GLCE: variants seen among roughly 807,000 people sequenced by gnomAD.
The protein encoded by GLCE is D-glucuronyl C5-epimerase.
A neutral mutation model predicts 47.9 loss-of-function variants in GLCE; 19 were observed. The ratio of observed to expected loss-of-function variants is 0.40; its 90% CI spans 0.28 to 0.58. GLCE has a LOEUF of 0.58. Among genes scored for constraint, GLCE ranks in the 20% least tolerant of loss-of-function variants. The probability of loss-of-function intolerance (pLI) is 0.48; values close to 1 mark genes in which losing one functional copy is unlikely to be tolerated. For synonymous variants in GLCE, 245 were observed against 263.4 expected (o/e 0.93, Z 0.68); for missense variants, 556 against 743.3 (o/e 0.75, Z 2.93).
rs530223482 is a variant in GLCE, at chr15:69,232,094, A to G, written c.-14+21688A>G. ...GCCCAAGCCACCACCCCGGCCTCAGATTTTTATATATACGTTTGGATGGAG... is the reference window on the plus strand; with the variant it reads ...GCCCAAGCCACCACCCCGGCCTCAGGTTTTTATATATACGTTTGGATGGAG... On this transcript the variant is annotated intron_variant, in intron 2 of 4. Coordinates refer to ENST00000261858, the MANE Select transcript of GLCE (RefSeq NM_015554.3). Among the ~76,000 whole-genome samples, 18 of 152,278 alleles carry G rather than the reference A, an allele frequency of 1.2e-4. 1 individual carries two copies. In the East Asian group the frequency reaches 2.3e-3, roughly 20 times the overall value.
chr15:69,251,943 A>T (rs1595783565), intron 2 of GLCE, among the ~76,000 whole-genome samples: 1 of 152,300 alleles, frequency 6.6e-6, no homozygotes, highest in Non-Finnish European at 1.5e-5. Flanking sequence ...AATTAGCAAT[A>T]ATTTTCTAAT....
intron 2 of GLCE, among the ~76,000 whole-genome samples, chr15:69,214,975 T>C (rs1024372602): frequency 6.6e-6 from 1 of 152,208 alleles, no homozygotes; most frequent in Non-Finnish European, 1.5e-5. Context: ...TCTTTTCTTC[T>C]GTATATCCCC....
chr15:69,262,673 A>G (rs987901762), intron 4 of GLCE, among the ~76,000 whole-genome samples: 19 of 152,108 alleles, frequency 1.2e-4, no homozygotes. Context: ...TAAATGAGGG[A>G]TCCTTAGCCC....
intron 2 of GLCE, among the ~76,000 whole-genome samples, chr15:69,230,951 G>A (rs576974437): frequency 2.0e-5 from 3 of 152,196 alleles, no homozygotes; most frequent in East Asian, 1.9e-4. Flanking sequence ...GTATTCCTTG[G>A]CTCATGGCTC....
intron 4 of GLCE, 119 bp downstream of exon 4, chr15:69,261,448 A>G (rs1259071179): frequency 4.3e-6 from 4 of 937,328 alleles, no homozygotes; most frequent in African/African-American, 3.3e-5. Flanking sequence ...TATTACATAT[A>G]TAAAGTAACA....
chr15:69,258,229 G>A (rs1404808656), intron 3 of GLCE, among the ~76,000 whole-genome samples: 1 of 151,696 alleles, frequency 6.6e-6, no homozygotes, highest in Non-Finnish European at 1.5e-5. Flanking sequence ...CTCCCACTTA[G>A]AAGTGAGAAC....
intron 1 of GLCE, among the ~76,000 whole-genome samples, chr15:69,204,604 A>AGAAT (rs1205977973): frequency 6.6e-6 from 1 of 152,048 alleles, no homozygotes; most frequent in African/African-American, 2.4e-5. Context: ...TTTTATTTTC[A>AGAAT]GAATGCTTAT....
At chr15:69,218,225 A>T (rs570461417) in intron 2 of GLCE, among the ~76,000 whole-genome samples, 1 of 150,744 alleles carries the variant, frequency 6.6e-6, no homozygotes, top group African/African-American at 2.4e-5. Context: ...GACTAGAAAA[A>T]TAGGCCAGGC....
chr15:69,271,983 C>T lies in GLCE; in HGVS notation c.*2739C>T, dbSNP rs1413908684. 1 of 152,588 alleles carries T rather than the reference C, an allele frequency of 6.6e-6. No individual in the cohort carries two copies. The highest frequency in any genetic ancestry group is 1.5e-5 in the Non-Finnish European group (1 of 68,038). The allele number at this position is 152,588 out of a possible 1,614,324, so 9.5% of individuals were successfully genotyped here. On this transcript the variant is annotated 3_prime_UTR_variant, in exon 5 of 5. Coordinates refer to ENST00000261858, the MANE Select transcript of GLCE (RefSeq NM_015554.3). Reference sequence around the variant, plus strand: ...GGTTATATACCATATGTTAAATATGCAATAAAGTGTTTACAGGATGCCCTT... The same window carrying T: ...GGTTATATACCATATGTTAAATATGTAATAAAGTGTTTACAGGATGCCCTT...
At chr15:69,194,027 T>C (rs980836302) in intron 1 of GLCE, among the ~76,000 whole-genome samples, 4 of 151,844 alleles carry the variant, frequency 2.6e-5, no homozygotes, top group Admixed American at 2.6e-4. Context: ...AAGAAAAGAG[T>C]ATTCAGGGTA....
intron 2 of GLCE, among the ~76,000 whole-genome samples, chr15:69,234,918 A>C (rs922392851): frequency 6.6e-6 from 1 of 152,050 alleles, no homozygotes; most frequent in Non-Finnish European, 1.5e-5. Context: ...ATTCTTATCA[A>C]CTTTTATGAG....
Position 69,271,294 on chromosome 15 carries a change from A to C in GLCE, c.*2050A>C, listed in dbSNP as rs1353812775. 3 of 152,668 alleles carry C rather than the reference A, an allele frequency of 2.0e-5. No homozygotes were observed. The highest frequency in any genetic ancestry group is 2.0e-4 in the Admixed American group (3 of 15,284). The allele number at this position is 152,668 out of a possible 1,614,324, so 9.5% of individuals were successfully genotyped here. On this transcript the variant is annotated 3_prime_UTR_variant, in exon 5 of 5. Coordinates refer to ENST00000261858, the MANE Select transcript of GLCE (RefSeq NM_015554.3). ...AGAATTTTCTAAGAGGATGAGTTGAATCTATAGCAGCATTGTCAGTACAGA... is the reference window on the plus strand; with the variant it reads ...AGAATTTTCTAAGAGGATGAGTTGACTCTATAGCAGCATTGTCAGTACAGA...
rs550844964 is a variant in GLCE at position 69,238,700 on chromosome 15, G to T, written c.-13-17094G>T. On this transcript the variant is annotated intron_variant, in intron 2 of 4. Transcript: ENST00000261858. ...CAGCACAAGCTCTGGATTGTGGAAA[G>T]AATAGGTTGCCATACAGGTAACAAA... Among the ~76,000 whole-genome samples, 28 of 152,276 alleles carry T rather than the reference G, an allele frequency of 1.8e-4. 1 individual carries two copies. The South Asian group carries it at 5.6e-3, about 30-fold the overall frequency.
At chr15:69,268,023 C>T (rs893434811) in intron 4 of GLCE, among the ~76,000 whole-genome samples, 197 bp from the exon 5 acceptor site, 1 of 152,054 alleles carries the variant, frequency 6.6e-6, no homozygotes, top group African/African-American at 2.4e-5. Context: ...TGCTCACAAG[C>T]CATCGTGAAC....
Position 69,208,316 on chromosome 15 carries a change from A to G in GLCE, c.-104-2000A>G, listed in dbSNP as rs144370451. Among the ~76,000 whole-genome samples, 88 of 152,138 alleles carry G rather than the reference A, an allele frequency of 5.8e-4. 1 individual carries two copies. Among genetic ancestry groups the G allele is most frequent in the Admixed American group, 3.7e-3 (56 of 15,250 alleles). ...AAGTTTGAGTGAATTTTTGTATAAC[A>G]TGAGGGTTTAGGTGAAATTTTATTT... On this transcript the variant is annotated intron_variant, in intron 1 of 4. Transcript: ENST00000261858.
intron 1 of GLCE, among the ~76,000 whole-genome samples, chr15:69,200,713 G>T (rs111642477): frequency 6.6e-5 from 10 of 152,070 alleles, no homozygotes; most frequent in Non-Finnish European, 1.2e-4. Context: ...GAGTAGAAGC[G>T]ATAAGGGGCA....
Position 69,268,476 on chromosome 15 carries a change from G to A in GLCE, c.1086G>A (p.Val362=). Residue 362 remains valine (V), a synonymous_variant, in exon 5 of 5, where the codon GTG becomes GTA. Transcript: ENST00000261858. ...TGGTCACTGACCTCAGGAAAGGAGT[G>A]GGTCTTTCAAACACAAAAGCTGTCA... ...RDLVTDLRKG[V]GLSNTKAVKP... 1 of 1,614,126 alleles carries A rather than the reference G, an allele frequency of 6.2e-7. No individual in the cohort carries two copies. The highest frequency in any genetic ancestry group is 8.5e-7 in the Non-Finnish European group (1 of 1,180,004).
chr15:69,266,302 C>T (rs1033004552), intron 4 of GLCE, among the ~76,000 whole-genome samples: 1 of 152,060 alleles, frequency 6.6e-6, no homozygotes, highest in Non-Finnish European at 1.5e-5. Context: ...TCCAAGTATA[C>T]ACTATCATCA....
At chr15:69,186,866 A>G (rs1394718617) in intron 1 of GLCE, among the ~76,000 whole-genome samples, 1 of 152,140 alleles carries the variant, frequency 6.6e-6, no homozygotes, top group Admixed American at 6.5e-5. Flanking sequence ...GTTTTCTCAT[A>G]TACACTTTTT....
Sources: allele counts gnomAD v4.1 joint callset (sites outside exome capture counted in the v4.1 genomes callset), GRCh38; gene constraint gnomAD v4.1.1; transcripts MANE v1.5; gene names NCBI Gene and HGNC (gene_info 2026-07-23, HGNC 2026-07-21).